The following CSNK1E variants were observed in gnomAD, a reference collection of about 807,000 sequenced individuals.
CSNK1E encodes casein kinase I isoform epsilon.
A neutral mutation model predicts 46.1 loss-of-function variants in CSNK1E; 17 were observed. The observed-to-expected ratio is 0.37, with a 90% confidence interval of 0.25 to 0.55. The LOEUF (loss-of-function observed/expected upper bound fraction) is 0.55, where lower values mean the gene tolerates loss of function less well. Among genes scored for constraint, CSNK1E ranks in the 20% least tolerant of loss-of-function variants. CSNK1E has a pLI of 0.82. For synonymous variants in CSNK1E, 241 were observed against 242.6 expected, an observed-to-expected ratio of 0.99 and a Z score of 0.06; for missense variants, 386 against 595.4, an observed-to-expected ratio of 0.65 and a Z score of 3.66.
intron 2 of CSNK1E, among the ~76,000 whole-genome samples, chr22:38,310,411 T>C (rs997915939): frequency 2.6e-5 from 4 of 152,034 alleles, no homozygotes; most frequent in African/African-American, 9.7e-5. Flanking sequence ...CACAGACACA[T>C]GGACACAATC....
intron 1 of CSNK1E, among the ~76,000 whole-genome samples, chr22:38,314,507 G>C (rs1041012326): frequency 1.3e-5 from 2 of 152,158 alleles, no homozygotes; most frequent in African/African-American, 4.8e-5. Context: ...CCACAGCCTG[G>C]CCTGGTCTTC....
At position 38,291,893 on chromosome 22, in the gene CSNK1E, CCTTTTTT is replaced by C. The variant is rs1569073406; in HGVS notation, c.*71_*77del. 1.6e-4 allele frequency: 10 copies of C among 63,674 alleles called. No individual in the cohort carries two copies. The highest frequency in any genetic ancestry group is 1.6e-3 in the Admixed American group (9 of 5,784). 3.9% of individuals were successfully genotyped at this position (63,674 alleles called of 1,614,324 possible). A position where few individuals can be genotyped will look rare whatever the true frequency, so the allele number is the denominator to read the frequency against. ...TGTTCTTTTGAGTGGTTTATTTTTG[CCTTTTTT>C]TTTTTTTTTTTTTTTTTAAAGAAAA... On this transcript the variant is annotated 3_prime_UTR_variant, in exon 11 of 11. Coordinates refer to ENST00000396832, the MANE Select transcript of CSNK1E (RefSeq NM_152221.3).
At chr22:38,292,159 G>C (rs1678856521) in intron 10 of CSNK1E, 1 of 151,628 alleles carries the variant, frequency 6.6e-6, no homozygotes. Flanking sequence ...GCTAATTTTT[G>C]TGTTTTTAGT....
chr22:38,316,359 T>C (rs1185187884), intron 1 of CSNK1E, among the ~76,000 whole-genome samples: 1 of 152,106 alleles, frequency 6.6e-6, no homozygotes, highest in Non-Finnish European at 1.5e-5. Flanking sequence ...CTTGAGACAC[T>C]TGTGTCCCCT....
chr22:38,296,772 T>C (rs1009985969), intron 7 of CSNK1E: 1 of 1,503,734 alleles, frequency 6.7e-7, no homozygotes, highest in African/African-American at 1.4e-5. Context: ...CCACAGAACG[T>C]TCTGGATGAA....
chr22:38,304,760 C>A (rs1239141608), intron 2 of CSNK1E, among the ~76,000 whole-genome samples: 1 of 152,060 alleles, frequency 6.6e-6, no homozygotes, highest in African/African-American at 2.4e-5. Context: ...CTCCATGCGG[C>A]GGAATATTAT....
intron 2 of CSNK1E, among the ~76,000 whole-genome samples, chr22:38,304,895 G>A (rs1022503470): frequency 1.3e-5 from 2 of 152,190 alleles, no homozygotes; most frequent in East Asian, 1.9e-4. Flanking sequence ...AGGCTGAGGC[G>A]GGTGGATCAC....
At chr22:38,314,490 C>G (rs2092734946) in intron 1 of CSNK1E, among the ~76,000 whole-genome samples, 2 of 152,220 alleles carry the variant, frequency 1.3e-5, no homozygotes, top group South Asian at 4.1e-4. Flanking sequence ...TCCTACCCCC[C>G]AGGCTCCCAC....
rs2092710953 is a variant in CSNK1E at position 38,309,214 on chromosome 22, TGGA to T, written c.76+4865_76+4867del. Among the ~76,000 whole-genome samples, 1 of 152,196 alleles carries T rather than the reference TGGA, an allele frequency of 6.6e-6. No individual in the cohort carries two copies. The highest frequency in any genetic ancestry group is 2.4e-5 in the African/African-American group (1 of 41,460). ...GGCTACCTGGTGGATACGAAAGGGC[TGGA>T]GGAGGCTAGAGGGGTAGTGGAAGGC... is the stretch of plus-strand genomic sequence containing the variant. On this transcript the variant is annotated intron_variant, in intron 2 of 10. Coordinates refer to ENST00000396832, the MANE Select transcript of CSNK1E (RefSeq NM_152221.3). This position sits in a 1 kb window ranked among gnomAD's most constrained non-coding sequence, Gnocchi z 4.8.
Position 38,300,660 on chromosome 22 carries a change from T to C in CSNK1E, c.565+64A>G. 1 of 1,504,980 alleles carries C rather than the reference T, an allele frequency of 6.6e-7. No individual in the cohort carries two copies. The highest frequency in any genetic ancestry group is 9.2e-7 in the Non-Finnish European group (1 of 1,089,940). The allele number at this position is 1,504,980 out of a possible 1,614,324, so 93.2% of individuals were successfully genotyped here. A position where few individuals can be genotyped will look rare whatever the true frequency, so the allele number is the denominator to read the frequency against. ...CCATCAGGGTAGGGGGTGAGAGGGC[T>C]CCAGAGAGCTGGGCCCCAGCCAGTG... is the stretch of plus-strand genomic sequence containing the variant. On this transcript the variant is annotated intron_variant, in intron 5 of 10. Transcript: ENST00000396832. The surrounding 1 kb of genome is among the most constrained non-coding windows in gnomAD (Gnocchi z 4.4).
At position 38,300,418 on chromosome 22, in the gene CSNK1E, G is replaced by A. The variant is rs2092664768; in HGVS notation, c.565+306C>T. On this transcript the variant is annotated intron_variant, in intron 5 of 10. Coordinates refer to ENST00000396832, the MANE Select transcript of CSNK1E (RefSeq NM_152221.3). This position sits in a 1 kb window ranked among gnomAD's most constrained non-coding sequence, Gnocchi z 4.4. ...CAAGTCCAGCTTTGGCATTAGCTAA[G>A]CTGCATGACCTTAAGCAACCCATGT... Among the ~76,000 whole-genome samples the A allele has an allele frequency of 6.6e-6, 1 of 152,242 alleles. No individual in the cohort carries two copies. Among genetic ancestry groups the A allele is most frequent in the Non-Finnish European group, 1.5e-5 (1 of 68,046 alleles).
rs1388037223 is a variant in CSNK1E, at chr22:38,294,161, G to A, written c.1166C>T (p.Ser389Phe). ...RLHRGAPANV[S>F]SSDLTGRQEV... ...TTGCCGCCCAGTGAGGTCTGAGGAG[G>A]AGACGTTGGCGGGCGCACCCCTGTG... Residue 389 changes from serine (S) to phenylalanine (F), a missense_variant, in exon 9 of 11, where the codon TCC becomes TTC. This residue lies in a region of CSNK1E where 174 missense variants were observed against 185.2 expected (regional missense o/e 0.94). Transcript: ENST00000396832. The surrounding 1 kb of genome is among the most constrained non-coding windows in gnomAD (Gnocchi z 5.5). The A allele has an allele frequency of 1.2e-6, 2 of 1,612,298 alleles. 1 individual carries two copies. The highest frequency in any genetic ancestry group is 2.2e-5 in the South Asian group (2 of 90,962).
At chr22:38,306,103 A>G (rs187974904) in intron 2 of CSNK1E, among the ~76,000 whole-genome samples, 78 of 152,308 alleles carry the variant, frequency 5.1e-4, no homozygotes, top group African/African-American at 1.8e-3. Context: ...AAGTGGAAAG[A>G]TCTCCAAGAT....
intron 4 of CSNK1E, among the ~76,000 whole-genome samples, chr22:38,301,910 T>C (rs926389495): frequency 8.1e-6 from 1 of 123,042 alleles, no homozygotes; most frequent in Non-Finnish European, 1.8e-5. Context: ...CAGACCAAGA[T>C]TAAAACCCCT....
At chr22:38,315,923 ACTG>A (rs2092743242) in intron 1 of CSNK1E, among the ~76,000 whole-genome samples, 1 of 151,940 alleles carries the variant, frequency 6.6e-6, no homozygotes. Context: ...GGACCCCCTG[ACTG>A]CTATGTGCCA....
chr22:38,304,780 A>G (rs948620575), intron 2 of CSNK1E, among the ~76,000 whole-genome samples: 3 of 152,178 alleles, frequency 2.0e-5, no homozygotes, highest in Non-Finnish European at 4.4e-5. Flanking sequence ...TTCAGCAATA[A>G]AGAGGAATAA....
chr22:38,312,101 GCCT>G (rs2092723589), intron 2 of CSNK1E, among the ~76,000 whole-genome samples: 1 of 151,956 alleles, frequency 6.6e-6, no homozygotes, highest in African/African-American at 2.4e-5. Context: ...ATATCTCCTG[GCCT>G]CCTTTTTTTT....
At chr22:38,307,521 A>T (rs1569081396) in intron 2 of CSNK1E, among the ~76,000 whole-genome samples, 1 of 152,264 alleles carries the variant, frequency 6.6e-6, no homozygotes, top group Non-Finnish European at 1.5e-5. Flanking sequence ...ACTGCACTCC[A>T]GCCTGGCGAC....
chr22:38,300,263 T>C lies in CSNK1E; in HGVS notation c.566-198A>G, dbSNP rs2092664035. On this transcript the variant is annotated intron_variant, in intron 5 of 10. Coordinates refer to ENST00000396832, the MANE Select transcript of CSNK1E (RefSeq NM_152221.3). This position sits in a 1 kb window ranked among gnomAD's most constrained non-coding sequence, Gnocchi z 4.4. ...AAGCCTGAGGCAGGGCCTTCTCAAC[T>C]TAATTTGGGCCTAGTTTTTCCAGTT... 6.6e-6 allele frequency among the ~76,000 whole-genome samples: 1 copy of C among 152,186 alleles called. No individual in the cohort carries two copies. Among genetic ancestry groups the C allele is most frequent in the Non-Finnish European group, 1.5e-5 (1 of 68,028 alleles).
Sources: allele counts gnomAD v4.1 joint callset (sites outside exome capture counted in the v4.1 genomes callset), GRCh38; gene constraint gnomAD v4.1.1; regional missense constraint gnomAD v4.1.1; non-coding constraint Gnocchi (gnomAD v3.1); transcripts MANE v1.5; gene names NCBI Gene and HGNC (gene_info 2026-07-23, HGNC 2026-07-21).